Variants in FBXL17 observed in about 807,000 individuals in gnomAD.
FBXL17 encodes the protein F-box/LRR-repeat protein 17.
A neutral mutation model predicts 66.2 loss-of-function variants in FBXL17; 22 were observed. The observed-to-expected ratio is 0.33, with a 90% CI of 0.24 to 0.47. The LOEUF (loss-of-function observed/expected upper bound fraction) is 0.47, where lower values mean the gene tolerates loss of function less well. Ranked by LOEUF, FBXL17 falls within the 20% of genes least tolerant of loss-of-function variation. The pLI is 1.00. For missense variants in FBXL17, 878 were observed against 948.2 expected (o/e 0.93, Z 0.97); for synonymous variants, 474 against 400.5 (o/e 1.18, Z -2.19).
At chr5:108,148,790 A>G (rs1035339425) in intron 6 of FBXL17, among the ~76,000 whole-genome samples, 1 of 152,196 alleles carries the variant, frequency 6.6e-6, no homozygotes, top group Non-Finnish European at 1.5e-5. Context: ...TTCATCCTCT[A>G]CAGTAGCATA....
intron 7 of FBXL17, among the ~76,000 whole-genome samples, chr5:107,916,620 T>C (rs894716840): frequency 1.3e-5 from 2 of 152,256 alleles, no homozygotes; most frequent in Non-Finnish European, 2.9e-5. Flanking sequence ...TAAAATTTGC[T>C]ATTTTTATTC....
intron 4 of FBXL17, among the ~76,000 whole-genome samples, chr5:108,340,684 C>T (rs1345632174): frequency 2.0e-5 from 3 of 152,130 alleles, no homozygotes; most frequent in Non-Finnish European, 4.4e-5. Context: ...AAACATTTGA[C>T]TCTTTAAGCT....
rs191430447 is a variant in FBXL17 at position 108,345,097 on chromosome 5, G to A, written c.1506+3302C>T. ...CACCTGTAATCCCAGCACTTTGGGA[G>A]GCCGAGGTGGGCGGATCATGAGGTC... On this transcript the variant is annotated intron_variant, in intron 4 of 8. Coordinates refer to ENST00000542267, the MANE Select transcript of FBXL17 (RefSeq NM_001163315.3). 1.6e-3 allele frequency among the ~76,000 whole-genome samples: 249 copies of A among 152,272 alleles called. 3 individuals are homozygous for A. Among genetic ancestry groups the A allele is most frequent in the Non-Finnish European group, 5.4e-4 (37 of 68,030 alleles).
intron 4 of FBXL17, among the ~76,000 whole-genome samples, chr5:108,270,580 A>T (rs745361196): frequency 7.3e-5 from 11 of 151,226 alleles, no homozygotes; most frequent in Non-Finnish European, 1.5e-4. Flanking sequence ...TAGTAAAACC[A>T]AAGAAACAGA....
chr5:108,351,997 T>G (rs756158119), intron 3 of FBXL17, among the ~76,000 whole-genome samples: 1 of 152,232 alleles, frequency 6.6e-6, no homozygotes, highest in Admixed American at 6.5e-5. Flanking sequence ...GCTTTATCTA[T>G]AAAGAAATGA....
chr5:108,358,493 A>T (rs1748140016), intron 3 of FBXL17, among the ~76,000 whole-genome samples: 1 of 151,656 alleles, frequency 6.6e-6, no homozygotes, highest in African/African-American at 2.4e-5. Context: ...ACATTGATTG[A>T]TATTTGTATG....
chr5:108,283,859 A>G (rs1757795742), intron 4 of FBXL17, among the ~76,000 whole-genome samples: 1 of 151,896 alleles, frequency 6.6e-6, no homozygotes, highest in Non-Finnish European at 1.5e-5. Flanking sequence ...AAATAACCCC[A>G]TTTAAAAGAT....
intron 7 of FBXL17, among the ~76,000 whole-genome samples, chr5:107,947,194 C>T (rs140988957): frequency 4.6e-5 from 7 of 152,144 alleles, no homozygotes; most frequent in East Asian, 1.9e-4. Context: ...GCCTTTACCG[C>T]GGCATTGCTA....
At chr5:108,094,230 T>C (rs1304712400) in intron 6 of FBXL17, among the ~76,000 whole-genome samples, 1 of 152,082 alleles carries the variant, frequency 6.6e-6, no homozygotes, top group African/African-American at 2.4e-5. Flanking sequence ...ATTTAGTTAA[T>C]CAAAAAGCAA....
intron 7 of FBXL17, among the ~76,000 whole-genome samples, chr5:107,934,611 C>T (rs1007263310): frequency 2.6e-5 from 4 of 152,084 alleles, no homozygotes; most frequent in Non-Finnish European, 5.9e-5. Context: ...TCTTCTCGTT[C>T]TCTCACTAGG....
chr5:107,959,798 C>T (rs1208299305), intron 7 of FBXL17, among the ~76,000 whole-genome samples: 4 of 152,186 alleles, frequency 2.6e-5, no homozygotes, highest in Non-Finnish European at 5.9e-5. Flanking sequence ...CAGAAACAAC[C>T]TCTGAGCTCT....
At chr5:108,101,101 A>G (rs1404054489) in intron 6 of FBXL17, among the ~76,000 whole-genome samples, 1 of 152,224 alleles carries the variant, frequency 6.6e-6, no homozygotes, top group African/African-American at 2.4e-5. Context: ...GAGCTCCCAA[A>G]TAAAAGAGTA....
chr5:108,275,051 C>T (rs1481092076), intron 4 of FBXL17, among the ~76,000 whole-genome samples: 1 of 152,136 alleles, frequency 6.6e-6, no homozygotes, highest in Non-Finnish European at 1.5e-5. Flanking sequence ...AGTTCCTTAC[C>T]AGAATGAATG....
At chr5:108,211,522 TG>T (rs1754370782) in intron 5 of FBXL17, among the ~76,000 whole-genome samples, 1 of 152,220 alleles carries the variant, frequency 6.6e-6, no homozygotes, top group South Asian at 2.1e-4. Flanking sequence ...GCAGGCCTGG[TG>T]GTGACAAAAT....
intron 4 of FBXL17, among the ~76,000 whole-genome samples, chr5:108,311,620 G>T (rs1014700412): frequency 4.6e-5 from 7 of 152,108 alleles, no homozygotes; most frequent in African/African-American, 1.7e-4. Context: ...TCCTTGGACT[G>T]AGTCTTCCCT....
chr5:108,280,064 A>T (rs1309578385), intron 4 of FBXL17, among the ~76,000 whole-genome samples: 7 of 152,150 alleles, frequency 4.6e-5, no homozygotes, highest in Non-Finnish European at 1.0e-4. Flanking sequence ...ATGAAGTAAT[A>T]ATTGAAAACT....
chr5:107,876,634 T>C (rs1344549324), intron 8 of FBXL17, among the ~76,000 whole-genome samples: 1 of 152,180 alleles, frequency 6.6e-6, no homozygotes, highest in Non-Finnish European at 1.5e-5. Context: ...TCCTCCCTTC[T>C]CATCAACCTT....
At chr5:108,351,169 C>T (rs958611031) in intron 3 of FBXL17, among the ~76,000 whole-genome samples, 15 of 151,734 alleles carry the variant, frequency 9.9e-5, no homozygotes, top group Non-Finnish European at 1.6e-4. Context: ...AAACAAAATG[C>T]TTTAGAGAAA....
chr5:108,091,589 A>G (rs1749189653), intron 6 of FBXL17, among the ~76,000 whole-genome samples: 1 of 151,954 alleles, frequency 6.6e-6, no homozygotes, highest in South Asian at 2.1e-4. Flanking sequence ...GTTTTATATG[A>G]ACCTTGCTTT....
Sources: gnomAD v4.1 joint callset for allele counts (sites outside exome capture counted in the v4.1 genomes callset) on GRCh38, gnomAD v4.1.1 for gene constraint, MANE v1.5 for transcripts, NCBI Gene and HGNC (gene_info 2026-07-23, HGNC 2026-07-21) for gene names.